TMEM131L: variants seen among roughly 807,000 people sequenced by gnomAD.
The protein encoded by TMEM131L is transmembrane 131 like.
A neutral mutation model predicts 192.2 loss-of-function variants in TMEM131L; 54 were observed. That is an observed-to-expected ratio of 0.28 (90% CI 0.23 to 0.35). TMEM131L has a LOEUF of 0.35. TMEM131L is among the 10% of genes least tolerant of loss of function. The pLI is 1.00. For missense variants in TMEM131L, 1,888 were observed against 1,972.9 expected (o/e 0.96, Z 0.82); for synonymous variants, 701 against 704.9 (o/e 0.99, Z 0.09).
chr4:153,534,571 C>T (rs1451606041), intron 3 of TMEM131L, among the ~76,000 whole-genome samples: 2 of 152,090 alleles, frequency 1.3e-5, no homozygotes, highest in African/African-American at 4.8e-5. Flanking sequence ...GTAGCTGGGA[C>T]TACAGGCGTG....
chr4:153,625,490 G>GT (rs1554043833), intron 29 of TMEM131L, among the ~76,000 whole-genome samples: 1 of 152,154 alleles, frequency 6.6e-6, no homozygotes, highest in Non-Finnish European at 1.5e-5. Context: ...TATTAATGGT[G>GT]TTGCTGTACA....
At chr4:153,511,010 G>A (rs1453123746) in intron 3 of TMEM131L, among the ~76,000 whole-genome samples, 1 of 152,168 alleles carries the variant, frequency 6.6e-6, no homozygotes, top group East Asian at 1.9e-4. Context: ...CTTTTTCCAA[G>A]GAATGCTTAT....
At chr4:153,505,578 C>T (rs79922360) in intron 3 of TMEM131L, among the ~76,000 whole-genome samples, 5,076 of 152,206 alleles carry the variant, frequency 0.033, 141 homozygotes, top group Admixed American at 0.071. Flanking sequence ...ATAATTCAGC[C>T]CATAACATGT....
At position 153,596,195 on chromosome 4, in the gene TMEM131L, A is replaced by T. The variant is rs1578828858; in HGVS notation, c.1996-63A>T. On this transcript the variant is annotated intron_variant, in intron 19 of 34. Transcript: ENST00000409959. ...CAATCGTGTTTAAACTCTAGGATGC[A>T]CTTAATGACAATGGAAGCTTGCTTT... The T allele has an allele frequency of 1.9e-6, 3 of 1,584,846 alleles. No homozygotes were observed. The South Asian group carries it at 3.4e-5, about 18-fold the overall frequency.
intron 7 of TMEM131L, among the ~76,000 whole-genome samples, chr4:153,564,068 T>C (rs1729027089): frequency 6.6e-6 from 1 of 151,570 alleles, no homozygotes; most frequent in Non-Finnish European, 1.5e-5. Context: ...GTGGGCAGAT[T>C]ACCTGAGGTC....
intron 4 of TMEM131L, among the ~76,000 whole-genome samples, chr4:153,553,247 G>C (rs1737765754): frequency 6.6e-6 from 1 of 152,146 alleles, no homozygotes; most frequent in African/African-American, 2.4e-5. Context: ...ATCTGAGTCT[G>C]TGTGTATCGT....
At chr4:153,633,420 G>C (rs1734359555) in intron 32 of TMEM131L, 1 of 145,458 alleles carries the variant, frequency 6.9e-6, no homozygotes, top group Non-Finnish European at 1.5e-5. Flanking sequence ...GTAGAGACAG[G>C]ATCTTGCTTT....
intron 25 of TMEM131L, among the ~76,000 whole-genome samples, chr4:153,605,036 A>G (rs969371748): frequency 1.3e-5 from 2 of 152,162 alleles, no homozygotes; most frequent in Non-Finnish European, 2.9e-5. Context: ...TTTTCAGACT[A>G]TCTGTAAAAA....
In TMEM131L at chr4:153,621,717, A is replaced by G. The variant is rs776799256; in HGVS notation, c.3727A>G (p.Ser1243Gly). The stretch of plus-strand genomic sequence containing the variant: ...ACAGAGTGATCTAAAGCTTGTGTGC[A>G]GTGACTTTGAGAGGTCTGAGCTGAG... ...PEQSDLKLVC[S>G]DFERSELSSD... The change falls in exon 28 of 35, where the codon AGT becomes GGT. Residue 1243 changes from serine (S) to glycine (G), a missense_variant. Transcript: ENST00000409959. 2.4e-5 allele frequency: 38 copies of G among 1,614,172 alleles called. No homozygotes were observed. The highest frequency in any genetic ancestry group is 3.1e-5 in the Non-Finnish European group (37 of 1,180,032).
Position 153,555,701 on chromosome 4 carries a change from T to C in TMEM131L, c.309-86T>C. On this transcript the variant is annotated intron_variant, in intron 4 of 34. Coordinates refer to ENST00000409959, the MANE Select transcript of TMEM131L (RefSeq NM_001131007.2). This position sits in a 1 kb window ranked among gnomAD's most constrained non-coding sequence, Gnocchi z 4.1. The stretch of plus-strand genomic sequence containing the variant: ...AGCTTTCTGGGTTTAAAAATCTGTG[T>C]GTATATATATAATAATACATATATA... The C allele has an allele frequency of 1.8e-6, 2 of 1,132,916 alleles. No homozygotes were observed. Among genetic ancestry groups the C allele is most frequent in the Middle Eastern group, 5.7e-4 (2 of 3,480 alleles). The allele number at this position is 1,132,916 out of a possible 1,614,324, so 70.2% of individuals were successfully genotyped here.
intron 3 of TMEM131L, among the ~76,000 whole-genome samples, chr4:153,537,293 A>G (rs567900717): frequency 2.0e-5 from 3 of 151,948 alleles, no homozygotes; most frequent in African/African-American, 7.2e-5. Flanking sequence ...AACCTGTTAC[A>G]GGAAAGAGGT....
intron 28 of TMEM131L, 127 bp downstream of exon 28, chr4:153,621,976 A>G: frequency 1.1e-6 from 1 of 902,658 alleles, no homozygotes; most frequent in Middle Eastern, 2.5e-4. Context: ...TAATAACTAA[A>G]GCCCCAGTGG....
intron 3 of TMEM131L, among the ~76,000 whole-genome samples, chr4:153,500,455 G>C (rs1400037864): frequency 1.3e-5 from 2 of 152,172 alleles, no homozygotes; most frequent in Admixed American, 6.5e-5. Context: ...GAGTGATTCT[G>C]TTGAGATCTG....
rs113341059 is a variant in TMEM131L, at chr4:153,533,015, C to T, written c.240-17058C>T. On this transcript the variant is annotated intron_variant, in intron 3 of 34. Coordinates refer to ENST00000409959, the MANE Select transcript of TMEM131L (RefSeq NM_001131007.2). ...TTTTTTTTTTTTTGAGACAGAGTTT[C>T]GTTCTTGTTGCCCAGGCTGGAGTGC... Among the ~76,000 whole-genome samples the T allele has an allele frequency of 6.5e-3, 875 of 134,002 alleles. 9 individuals are homozygous for T. Among genetic ancestry groups the T allele is most frequent in the African/African-American group, 0.024 (812 of 34,010 alleles). The allele number at this position is 134,002 out of a possible 152,430, so 87.9% of individuals were successfully genotyped here.
intron 3 of TMEM131L, among the ~76,000 whole-genome samples, chr4:153,528,875 C>A (rs1735690930): frequency 6.6e-6 from 1 of 152,202 alleles, no homozygotes; most frequent in African/African-American, 2.4e-5. Flanking sequence ...GGTTTCTTAT[C>A]TGACCATGCA....
Position 153,596,390 on chromosome 4 carries a change from G to A in TMEM131L, c.2123+5G>A. On this transcript the variant is annotated splice_donor_5th_base_variant and intron_variant, in intron 20 of 34. Transcript: ENST00000409959. ...TACCTCACTCATACTAATCCGGTAGGTGTGTTCCTGTTGTAGAATCTGTTT... is the reference window on the plus strand; with the variant it reads ...TACCTCACTCATACTAATCCGGTAGATGTGTTCCTGTTGTAGAATCTGTTT... 6.2e-7 allele frequency: 1 copy of A among 1,613,104 alleles called. No homozygotes were observed. Among genetic ancestry groups the A allele is most frequent in the Non-Finnish European group, 8.5e-7 (1 of 1,179,258 alleles).
At position 153,591,788 on chromosome 4, in the gene TMEM131L, T is replaced by C. The variant is rs9884497; in HGVS notation, c.1812+594T>C. On this transcript the variant is annotated intron_variant, in intron 17 of 34. Transcript: ENST00000409959. ...AGGGATGACATCCTTAGGCTGTTTT[T>C]TAACTTTTTATTTTTAAATGATTTC... Among the ~76,000 whole-genome samples the C allele has an allele frequency of 8.5e-3, 1,298 of 152,316 alleles. 14 individuals carry two copies. Among genetic ancestry groups the C allele is most frequent in the African/African-American group, 0.029 (1,209 of 41,560 alleles).
intron 33 of TMEM131L, among the ~76,000 whole-genome samples, chr4:153,634,824 A>G (rs1723460368): frequency 6.6e-6 from 1 of 152,208 alleles, no homozygotes; most frequent in Non-Finnish European, 1.5e-5. Context: ...GGTCAACTGG[A>G]AAATGCTCTA....
intron 7 of TMEM131L, chr4:153,558,828 C>A (rs1728660718): frequency 6.6e-6 from 1 of 152,434 alleles, no homozygotes; most frequent in Admixed American, 6.5e-5. Flanking sequence ...CTGCTTTTAG[C>A]CCTGCCCGGA....
Sources: allele counts gnomAD v4.1 joint callset (sites outside exome capture counted in the v4.1 genomes callset), GRCh38; gene constraint gnomAD v4.1.1; non-coding constraint Gnocchi (gnomAD v3.1); transcripts MANE v1.5; gene names NCBI Gene and HGNC (gene_info 2026-07-23, HGNC 2026-07-21).